ACTRT2: variants seen among roughly 807,000 people sequenced by gnomAD.
ACTRT2 encodes the protein actin-related protein T2.
Under a neutral mutation model 1.2 loss-of-function variants are expected in ACTRT2, and 1 was observed. The ratio of observed to expected loss-of-function variants is 0.80; its 90% confidence interval spans 0.29 to 3.81. ACTRT2 has a LOEUF of 3.81. Among genes scored for constraint, ACTRT2 ranks in the 30% most tolerant of loss-of-function variants. The pLI, the probability that ACTRT2 is intolerant of heterozygous loss-of-function variation, is 0.18. For synonymous variants in ACTRT2, 262 were observed against 228.9 expected (o/e 1.14, Z -1.30); for missense variants, 488 against 497.9 (o/e 0.98, Z 0.19).
Position 3,022,694 on chromosome 1 carries a change from C to G in ACTRT2, c.1008C>G (p.Asp336Glu). The change falls in exon 1 of 1, where the codon GAC becomes GAG. Residue 336 changes from aspartate (D) to glutamate (E), a missense_variant. Transcript: ENST00000378404. The surrounding 1 kb of genome is among the most constrained non-coding windows in gnomAD (Gnocchi z 7.7). ...CCATCAAGATCACGGCTCCCCCCGA[C>G]CGGTGGTTCTCCACCTGGATTGGAG... ...DTPIKITAPP[D>E]RWFSTWIGAS... 1.2e-6 allele frequency: 2 copies of G among 1,613,402 alleles called. No individual in the cohort carries two copies. Among genetic ancestry groups the G allele is most frequent in the African/African-American group, 1.3e-5 (1 of 75,024 alleles).
At position 3,022,576 on chromosome 1, in the gene ACTRT2, G is replaced by A. The variant is rs1641093111; in HGVS notation, c.890G>A (p.Gly297Glu). ...CDTDIQKILF[G>E]EIVLSGGTTL... The stretch of plus-strand genomic sequence containing the variant: ...ACCGACATCCAGAAGATCCTCTTTG[G>A]GGAGATTGTGCTGTCGGGGGGCACT... Residue 297 changes from glycine to glutamate, a missense_variant, in exon 1 of 1, where the codon GGG becomes GAG. By Grantham distance (98) the Gly-to-Glu change is moderately conservative. Coordinates refer to ENST00000378404, the MANE Select transcript of ACTRT2 (RefSeq NM_080431.5). The surrounding 1 kb of genome is among the most constrained non-coding windows in gnomAD (Gnocchi z 7.7). 1.9e-6 allele frequency: 3 copies of A among 1,613,046 alleles called. No individual in the cohort carries two copies. Among genetic ancestry groups the A allele is most frequent in the East Asian group, 4.5e-5 (2 of 44,844 alleles).
Position 3,021,621 on chromosome 1 carries a change from C to T in ACTRT2, c.-66C>T. 6.5e-7 allele frequency: 1 copy of T among 1,544,904 alleles called. No individual in the cohort carries two copies. Among genetic ancestry groups the T allele is most frequent in the South Asian group, 1.3e-5 (1 of 78,616 alleles). On this transcript the variant is annotated 5_prime_UTR_variant, in exon 1 of 1. Transcript: ENST00000378404. The stretch of plus-strand genomic sequence containing the variant: ...GGAAGAGCTGTGGGATCCCCTATTG[C>T]ATCACAAAGCGGCCCTGGAGGGCTG...
In ACTRT2 at chr1:3,021,656, T is replaced by C; in HGVS notation, c.-31T>C. On this transcript the variant is annotated 5_prime_UTR_variant, in exon 1 of 1. Transcript: ENST00000378404. ...CGGCCCTGGAGGGCTGGTCTTTATT[T>C]TGATGAGGCTGAGAAGGGAAGGCTG... The C allele has an allele frequency of 6.3e-7, 1 of 1,583,344 alleles. No homozygotes were observed. The highest frequency in any genetic ancestry group is 1.2e-5 in the South Asian group (1 of 85,928).
rs142480863 is a variant in ACTRT2, at chr1:3,022,554, G to A, written c.868G>A (p.Asp290Asn). 1.1e-4 allele frequency: 177 copies of A among 1,612,984 alleles called. No individual in the cohort carries two copies. The highest frequency in any genetic ancestry group is 9.3e-4 in the Admixed American group (56 of 60,028). Residue 290 changes from aspartate (D) to asparagine (N), a missense_variant, in exon 1 of 1, where the codon GAC becomes AAC. By Grantham distance (23) the Asp-to-Asn change is conservative (BLOSUM62 1). Coordinates refer to ENST00000378404, the MANE Select transcript of ACTRT2 (RefSeq NM_080431.5). This position sits in a 1 kb window ranked among gnomAD's most constrained non-coding sequence, Gnocchi z 7.7. ...CAGCAGCATCACCAAGTGTGATACCGACATCCAGAAGATCCTCTTTGGGGA... is the reference window on the plus strand; with the variant it reads ...CAGCAGCATCACCAAGTGTGATACCAACATCCAGAAGATCCTCTTTGGGGA... The part of the protein sequence containing the change: ...VSSSITKCDT[D>N]IQKILFGEIV...
rs3795263 is a variant in ACTRT2 at position 3,022,425 on chromosome 1, G to A, written c.739G>A (p.Gly247Arg). 0.21 allele frequency: 342,301 copies of A among 1,612,734 alleles called. 39,278 individuals are homozygous for A. Among genetic ancestry groups the A allele is most frequent in the Non-Finnish European group, 0.24 (283,640 of 1,179,966 alleles). ...EVLREYKLPD[G>R]NIISLGDPLH... ...CCTGAGGGAGTACAAGCTGCCCGAC[G>A]GGAACATCATCAGCCTCGGGGACCC... The change falls in exon 1 of 1, where the codon GGG (glycine) becomes AGG (arginine). Residue 247 changes from glycine to arginine, a missense_variant. Physicochemically the swap from Gly to Arg is moderately radical, Grantham distance 125 (BLOSUM62 -2). Transcript: ENST00000378404. This position sits in a 1 kb window ranked among gnomAD's most constrained non-coding sequence, Gnocchi z 7.7.
Position 3,022,240 on chromosome 1 carries a change from C to A in ACTRT2, c.554C>A (p.Ala185Glu), listed in dbSNP as rs770687267. Reference protein sequence around the residue: ...LPHAVTKLHVAGRDITELLMQ... With the variant: ...LPHAVTKLHVEGRDITELLMQ... ...CACGCAGTCACCAAGCTCCACGTGG[C>A]GGGCAGGGACATCACGGAGCTCCTC... Residue 185 changes from alanine (A) to glutamate (E), a missense_variant, in exon 1 of 1, where the codon GCG becomes GAG. Coordinates refer to ENST00000378404, the MANE Select transcript of ACTRT2 (RefSeq NM_080431.5). The surrounding 1 kb of genome is among the most constrained non-coding windows in gnomAD (Gnocchi z 7.7). 1.9e-6 allele frequency: 3 copies of A among 1,612,908 alleles called. No individual in the cohort carries two copies. The highest frequency in any genetic ancestry group is 2.2e-5 in the South Asian group (2 of 91,074).
At position 3,022,418 on chromosome 1, in the gene ACTRT2, G is replaced by T. The variant is rs1468944712; in HGVS notation, c.732G>T (p.Leu244=). Residue 244 remains leucine (L), a synonymous_variant, in exon 1 of 1, where the codon CTG becomes CTT. Coordinates refer to ENST00000378404, the MANE Select transcript of ACTRT2 (RefSeq NM_080431.5). The surrounding 1 kb of genome is among the most constrained non-coding windows in gnomAD (Gnocchi z 7.7). ...AGGAGGTCCTGAGGGAGTACAAGCT[G>T]CCCGACGGGAACATCATCAGCCTCG... ...RPEEVLREYK[L]PDGNIISLGD... 6.2e-7 allele frequency: 1 copy of T among 1,612,906 alleles called. No homozygotes were observed.
rs201756456 is a variant in ACTRT2, at chr1:3,022,045, G to T, written c.359G>T (p.Arg120Leu). 2.5e-6 allele frequency: 4 copies of T among 1,613,542 alleles called. No individual in the cohort carries two copies. The South Asian group carries it at 4.4e-5, about 18-fold the overall frequency. Residue 120 changes from arginine (R) to leucine (L), a missense_variant, in exon 1 of 1, where the codon CGT becomes CTT. Transcript: ENST00000378404. The surrounding 1 kb of genome is among the most constrained non-coding windows in gnomAD (Gnocchi z 7.7). ...CCCTCCCTGAACCCCAGGGAGAACC[G>T]TGAGAAGATGGCAGAAGTCATGTTC... is the stretch of plus-strand genomic sequence containing the variant. ...TEPSLNPREN[R>L]EKMAEVMFEN...
Position 3,021,740 on chromosome 1 carries a change from G to A in ACTRT2, c.54G>A (p.Ser18=), listed in dbSNP as rs745980298. ...DSPAVIFDNG[S]GFCKAGLSGE... Reference sequence around the variant, plus strand: ...CGGCTGTGATTTTTGACAATGGCTCGGGGTTCTGCAAAGCGGGCCTGTCTG... The same window carrying A: ...CGGCTGTGATTTTTGACAATGGCTCAGGGTTCTGCAAAGCGGGCCTGTCTG... Residue 18 remains serine (S), a synonymous_variant, in exon 1 of 1, where the codon TCG becomes TCA. Coordinates refer to ENST00000378404, the MANE Select transcript of ACTRT2 (RefSeq NM_080431.5). The A allele has an allele frequency of 6.8e-6, 11 of 1,613,662 alleles. No individual in the cohort carries two copies. Among genetic ancestry groups the A allele is most frequent in the East Asian group, 4.5e-5 (2 of 44,874 alleles).
Position 3,022,348 on chromosome 1 carries a change from G to A in ACTRT2, c.662G>A (p.Cys221Tyr). 6.2e-7 allele frequency: 1 copy of A among 1,612,934 alleles called. No individual in the cohort carries two copies. The highest frequency in any genetic ancestry group is 8.5e-7 in the Non-Finnish European group (1 of 1,180,028). The change falls in exon 1 of 1, where the codon TGC becomes TAC. Residue 221 changes from cysteine to tyrosine, a missense_variant. By Grantham distance (194) the Cys-to-Tyr change is radical. Coordinates refer to ENST00000378404, the MANE Select transcript of ACTRT2 (RefSeq NM_080431.5). The surrounding 1 kb of genome is among the most constrained non-coding windows in gnomAD (Gnocchi z 7.7). ...GTGGACGACATCAAAAAGAAGCTGTGCTACGTGGCCTTGGAGCCCGAGAAG... is the reference window on the plus strand; with the variant it reads ...GTGGACGACATCAAAAAGAAGCTGTACTACGTGGCCTTGGAGCCCGAGAAG... Reference protein sequence around the residue: ...GLVDDIKKKLCYVALEPEKEL... With the variant: ...GLVDDIKKKLYYVALEPEKEL...
At position 3,021,835 on chromosome 1, in the gene ACTRT2, A is replaced by T. The variant is rs779098915; in HGVS notation, c.149A>T (p.Glu50Val). ...CTGAAATTCCAGGCTCCCTCAGCAG[A>T]GGCCAACCAGAAGAAGTACTTTGTG... Reference protein sequence around the residue: ...GHLKFQAPSAEANQKKYFVGE... With the variant: ...GHLKFQAPSAVANQKKYFVGE... Residue 50 changes from glutamate (E) to valine (V), a missense_variant, in exon 1 of 1, where the codon GAG becomes GTG. Coordinates refer to ENST00000378404, the MANE Select transcript of ACTRT2 (RefSeq NM_080431.5). 2.5e-6 allele frequency: 4 copies of T among 1,610,202 alleles called. 1 individual carries two copies. In the South Asian group the frequency reaches 4.4e-5, roughly 18 times the overall value.
rs1291330237 is a variant in ACTRT2 at position 3,022,452 on chromosome 1, C to T, written c.766C>T (p.Leu256=). 6.2e-7 allele frequency: 1 copy of T among 1,612,868 alleles called. No homozygotes were observed. Among genetic ancestry groups the T allele is most frequent in the Non-Finnish European group, 8.5e-7 (1 of 1,179,992 alleles). Residue 256 remains leucine (L), a synonymous_variant, in exon 1 of 1, where the codon CTG becomes TTG. Transcript: ENST00000378404. This position sits in a 1 kb window ranked among gnomAD's most constrained non-coding sequence, Gnocchi z 7.7. ...GAACATCATCAGCCTCGGGGACCCG[C>T]TGCACCAGGCGCCCGAGGCCCTGTT... The part of the protein sequence containing the change: ...DGNIISLGDP[L]HQAPEALFVP...
Position 3,021,863 on chromosome 1 carries a change from GGA to G in ACTRT2, c.179_180del (p.Glu60GlyfsTer25). On this transcript the variant is annotated frameshift_variant, in exon 1 of 1. Coordinates refer to ENST00000378404, the MANE Select transcript of ACTRT2 (RefSeq NM_080431.5). LOFTEE classifies it low-confidence loss of function (END_TRUNC). ...EANQKKYFVGEEALYKQEALQ... is the reference protein window; with the variant it reads ...EANQKKYFVGXEALYKQEALQ... ...CCAACCAGAAGAAGTACTTTGTGGG[GGA>G]GGAGGCCCTGTACAAGCAGGAGGCC... 1 of 1,613,398 alleles carries G rather than the reference GGA, an allele frequency of 6.2e-7. No individual in the cohort carries two copies. The highest frequency in any genetic ancestry group is 8.5e-7 in the Non-Finnish European group (1 of 1,180,008).
At position 3,021,630 on chromosome 1, in the gene ACTRT2, G is replaced by T. The variant is rs1448192257; in HGVS notation, c.-57G>T. ...GTGGGATCCCCTATTGCATCACAAA[G>T]CGGCCCTGGAGGGCTGGTCTTTATT... On this transcript the variant is annotated 5_prime_UTR_variant, in exon 1 of 1. Coordinates refer to ENST00000378404, the MANE Select transcript of ACTRT2 (RefSeq NM_080431.5). 1.9e-6 allele frequency: 3 copies of T among 1,553,346 alleles called. No homozygotes were observed. In the Admixed American group the frequency reaches 5.6e-5, roughly 29 times the overall value.
rs1375032206 is a variant in ACTRT2, at chr1:3,021,542, G to A, written c.-145G>A. The A allele has an allele frequency of 1.6e-5, 19 of 1,175,554 alleles. No homozygotes were observed. The highest frequency in any genetic ancestry group is 1.5e-5 in the South Asian group (1 of 65,534). The allele number at this position is 1,175,554 out of a possible 1,614,324, so 72.8% of individuals were successfully genotyped here. On this transcript the variant is annotated 5_prime_UTR_variant, in exon 1 of 1. It removes an upstream start codon present in the reference 5' UTR. Coordinates refer to ENST00000378404, the MANE Select transcript of ACTRT2 (RefSeq NM_080431.5). ...GGAGAGCAGACCTGCGGCTGAGGAT[G>A]CAGGGCTCCCGGGCACGGTGCTAGC...
Position 3,021,635 on chromosome 1 carries a change from C to T in ACTRT2, c.-52C>T. ...ATCCCCTATTGCATCACAAAGCGGC[C>T]CTGGAGGGCTGGTCTTTATTTTGAT... is the stretch of plus-strand genomic sequence containing the variant. On this transcript the variant is annotated 5_prime_UTR_variant, in exon 1 of 1. Coordinates refer to ENST00000378404, the MANE Select transcript of ACTRT2 (RefSeq NM_080431.5). The T allele has an allele frequency of 3.2e-6, 5 of 1,563,340 alleles. No homozygotes were observed. Among genetic ancestry groups the T allele is most frequent in the Non-Finnish European group, 4.3e-6 (5 of 1,156,352 alleles).
At position 3,022,662 on chromosome 1, in the gene ACTRT2, G is replaced by A; in HGVS notation, c.976G>A (p.Asp326Asn). Residue 326 changes from aspartate to asparagine, a missense_variant, in exon 1 of 1, where the codon GAC becomes AAC. By Grantham distance (23) the Asp-to-Asn change is conservative (BLOSUM62 1). Transcript: ENST00000378404. The surrounding 1 kb of genome is among the most constrained non-coding windows in gnomAD (Gnocchi z 7.7). Reference protein sequence around the residue: ...LKELEQLASKDTPIKITAPPD... With the variant: ...LKELEQLASKNTPIKITAPPD... Reference sequence around the variant, plus strand: ...GGAGCTGGAGCAGCTGGCCTCCAAGGACACCCCCATCAAGATCACGGCTCC... The same window carrying A: ...GGAGCTGGAGCAGCTGGCCTCCAAGAACACCCCCATCAAGATCACGGCTCC... The A allele has an allele frequency of 6.2e-7, 1 of 1,613,362 alleles. No homozygotes were observed. Among genetic ancestry groups the A allele is most frequent in the Non-Finnish European group, 8.5e-7 (1 of 1,180,022 alleles).
Position 3,021,829 on chromosome 1 carries a change from C to T in ACTRT2, c.143C>T (p.Ser48Leu). Residue 48 changes from serine (S) to leucine (L), a missense_variant, in exon 1 of 1, where the codon TCA becomes TTA. Physicochemically the swap from Ser to Leu is moderately radical, Grantham distance 145. Coordinates refer to ENST00000378404, the MANE Select transcript of ACTRT2 (RefSeq NM_080431.5). ...IVGHLKFQAP[S>L]AEANQKKYFV... is the part of the protein sequence containing the mutation. ...GGGCACCTGAAATTCCAGGCTCCCT[C>T]AGCAGAGGCCAACCAGAAGAAGTAC... 6.2e-7 allele frequency: 1 copy of T among 1,611,910 alleles called. No homozygotes were observed. The highest frequency in any genetic ancestry group is 2.2e-5 in the East Asian group (1 of 44,720).
Position 3,022,374 on chromosome 1 carries a change from G to T in ACTRT2, c.688G>T (p.Glu230Ter). The stretch of plus-strand genomic sequence containing the variant: ...CTACGTGGCCTTGGAGCCCGAGAAG[G>T]AGCTTTCCCGGAGGCCGGAGGAGGT... ...LCYVALEPEKELSRRPEEVLR... is the reference protein window; with the variant it reads ...LCYVALEPEK The change falls in exon 1 of 1, where the codon GAG becomes TAG. Residue 230 changes from glutamate to a stop codon, truncating the protein, a stop_gained. Coordinates refer to ENST00000378404, the MANE Select transcript of ACTRT2 (RefSeq NM_080431.5). LOFTEE classifies it low-confidence loss of function (END_TRUNC). The surrounding 1 kb of genome is among the most constrained non-coding windows in gnomAD (Gnocchi z 7.7). The T allele has an allele frequency of 6.2e-7, 1 of 1,612,938 alleles. No homozygotes were observed. The highest frequency in any genetic ancestry group is 8.5e-7 in the Non-Finnish European group (1 of 1,180,044).
Sources: allele counts gnomAD v4.1 joint callset, GRCh38; gene constraint gnomAD v4.1.1; non-coding constraint Gnocchi (gnomAD v3.1); transcripts MANE v1.5; gene names NCBI Gene and HGNC (gene_info 2026-07-23, HGNC 2026-07-21).